DRC11: variants seen among roughly 807,000 people sequenced by gnomAD.
The protein encoded by DRC11 is dynein regulatory complex subunit 11.
the DRC11 span, among the ~76,000 whole-genome samples, chr2:236,346,243 C>T: frequency 6.6e-6 from 1 of 152,218 alleles, no homozygotes; most frequent in Non-Finnish European, 1.5e-5. Flanking sequence ...CAGGCATCAG[C>T]CACCTATGTT....
chr2:236,320,982 A>G, the DRC11 span, among the ~76,000 whole-genome samples: 1 of 152,148 alleles, frequency 6.6e-6, no homozygotes, highest in Non-Finnish European at 1.5e-5. Context: ...GATGGCCAAT[A>G]GGCTCAGTTT....
chr2:236,484,899 T>A, the DRC11 span, among the ~76,000 whole-genome samples: 1 of 152,238 alleles, frequency 6.6e-6, no homozygotes, highest in Non-Finnish European at 1.5e-5. Flanking sequence ...CCGACCTGCG[T>A]CGTGATCTGA....
chr2:236,307,983 GTCC>G, the DRC11 span, among the ~76,000 whole-genome samples: 3,365 of 151,524 alleles, frequency 0.022, 52 homozygotes, highest in Non-Finnish European at 0.035. This position sits in a 1 kb window ranked among gnomAD's most constrained non-coding sequence, Gnocchi z 7.0. Flanking sequence ...TGACACAAGC[GTCC>G]TCGTGTGCTT....
At chr2:236,416,751 A>ATATATATATT in the DRC11 span, among the ~76,000 whole-genome samples, 1 of 60,186 alleles carries the variant, frequency 1.7e-5, no homozygotes, top group Non-Finnish European at 3.7e-5. Flanking sequence ...ATATATATAT[A>ATATATATATT]TATATATATA....
the DRC11 span, among the ~76,000 whole-genome samples, chr2:236,356,498 C>A: frequency 2.6e-5 from 4 of 152,348 alleles, no homozygotes; most frequent in Admixed American, 6.5e-5. Context: ...GCTGGGGGGC[C>A]ACGCGACGGT....
the DRC11 span, among the ~76,000 whole-genome samples, chr2:236,482,728 A>G: frequency 6.6e-6 from 1 of 152,204 alleles, no homozygotes; most frequent in South Asian, 2.1e-4. The surrounding 1 kb of genome is among the most constrained non-coding windows in gnomAD (Gnocchi z 4.5). Flanking sequence ...CCTAAAAATA[A>G]TGATGCATCT....
the DRC11 span, chr2:236,408,244 C>T: frequency 9.8e-5 from 83 of 844,892 alleles, no homozygotes; most frequent in African/African-American, 8.1e-4. This position sits in a 1 kb window ranked among gnomAD's most constrained non-coding sequence, Gnocchi z 5.5. Flanking sequence ...GATCTCAGTG[C>T]GGTGATGGTA....
the DRC11 span, chr2:236,503,737 C>T: frequency 2.0e-5 from 31 of 1,524,698 alleles, no homozygotes; most frequent in Admixed American, 3.9e-5. This position sits in a 1 kb window ranked among gnomAD's most constrained non-coding sequence, Gnocchi z 4.9. Flanking sequence ...TGCCTCTCCA[C>T]GTGACCACAC....
chr2:236,357,950 T>G, the DRC11 span, among the ~76,000 whole-genome samples: 1 of 94,940 alleles, frequency 1.1e-5, no homozygotes, highest in Non-Finnish European at 2.0e-5. Flanking sequence ...ATATAATATA[T>G]AAATATATAT....
chr2:236,357,883 T>C, the DRC11 span, among the ~76,000 whole-genome samples: 3 of 123,440 alleles, frequency 2.4e-5, no homozygotes, highest in East Asian at 7.1e-4. Flanking sequence ...ACATATACTA[T>C]ATAAATGTAT....
chr2:236,491,138 T>TATATATATACAC, the DRC11 span, among the ~76,000 whole-genome samples: 17 of 98,738 alleles, frequency 1.7e-4, 1 homozygote, highest in African/African-American at 7.3e-4. Context: ...TATATATATA[T>TATATATATACAC]ACAGTATATA....
chr2:236,506,841 T>C, the DRC11 span, among the ~76,000 whole-genome samples: 1 of 152,250 alleles, frequency 6.6e-6, no homozygotes, highest in African/African-American at 2.4e-5. The surrounding 1 kb of genome is among the most constrained non-coding windows in gnomAD (Gnocchi z 4.9). Context: ...TCAATAATGC[T>C]TTCCCAAGAT....
chr2:236,468,057 G>A, the DRC11 span, among the ~76,000 whole-genome samples: 1 of 152,048 alleles, frequency 6.6e-6, no homozygotes, highest in Non-Finnish European at 1.5e-5. Flanking sequence ...AAATCCTAAG[G>A]AATTTGAGCC....
the DRC11 span, among the ~76,000 whole-genome samples, chr2:236,491,241 ACACAG>A: frequency 7.3e-3 from 412 of 56,070 alleles, 33 homozygotes; most frequent in Non-Finnish European, 0.011. Context: ...ATATATATAT[ACACAG>A]TATATATATA....
chr2:236,356,480 A>G, the DRC11 span, among the ~76,000 whole-genome samples: 29 of 152,160 alleles, frequency 1.9e-4, no homozygotes, highest in African/African-American at 6.3e-4. Context: ...ATGCTTCCCC[A>G]GAGGCCAGCT....
At chr2:236,373,277 G>A in the DRC11 span, among the ~76,000 whole-genome samples, 12 of 135,130 alleles carry the variant, frequency 8.9e-5, no homozygotes, top group Admixed American at 7.7e-4. Context: ...TTTTTTTTGC[G>A]ACGGAGTCCC....
chr2:236,374,454 A>G, the DRC11 span, among the ~76,000 whole-genome samples: 22 of 152,308 alleles, frequency 1.4e-4, no homozygotes, highest in Admixed American at 7.8e-4. Context: ...GAATTGCTAT[A>G]AAGAAATACC....
chr2:236,456,928 C>T, the DRC11 span, among the ~76,000 whole-genome samples: 3 of 152,176 alleles, frequency 2.0e-5, no homozygotes, highest in Non-Finnish European at 4.4e-5. This position sits in a 1 kb window ranked among gnomAD's most constrained non-coding sequence, Gnocchi z 5.4. Flanking sequence ...CTCCAAAGCC[C>T]GTGGGGAGAT....
the DRC11 span, among the ~76,000 whole-genome samples, chr2:236,436,780 T>C: frequency 1.3e-5 from 2 of 152,200 alleles, no homozygotes; most frequent in Non-Finnish European, 2.9e-5. Flanking sequence ...TATAAAGTGC[T>C]TGCATGGTAC....
Sources: gnomAD v4.1 joint callset for allele counts (sites outside exome capture counted in the v4.1 genomes callset) on GRCh38, gnomAD v4.1.1 for gene constraint, Gnocchi (gnomAD v3.1) non-coding constraint, MANE v1.5 for transcripts, NCBI Gene and HGNC (gene_info 2026-07-23, HGNC 2026-07-21) for gene names.